BUD23: variants seen among roughly 807,000 people sequenced by gnomAD.
BUD23 encodes BUD23 rRNA methyltransferase and ribosome maturation factor, also known as 18S rRNA (guanine-N(7))-methyltransferase.
BUD23 carries 34 observed loss-of-function variants against 47.0 expected under a neutral mutation model. That is an observed-to-expected ratio of 0.72 (90% CI 0.55 to 0.96). The LOEUF is 0.96. BUD23 is among the 40% of genes least tolerant of loss of function. The pLI is 0.00. For missense variants in BUD23, 343 were observed against 361.2 expected (o/e 0.95, Z 0.41); for synonymous variants, 124 against 132.0 (o/e 0.94, Z 0.41).
intron 6 of BUD23, among the ~76,000 whole-genome samples, chr7:73,691,310 C>T (rs890527889): frequency 1.7e-4 from 26 of 152,220 alleles, no homozygotes; most frequent in East Asian, 7.7e-4. Flanking sequence ...ATGTCTATTG[C>T]GCTGAGTTTT....
At chr7:73,685,947 T>C (rs1554612916) in intron 2 of BUD23, among the ~76,000 whole-genome samples, 1 of 150,392 alleles carries the variant, frequency 6.6e-6, no homozygotes, top group Non-Finnish European at 1.5e-5. Context: ...AAAAAAAAAA[T>C]TAGCCGGGCG....
chr7:73,686,447 G>T (rs554673410), intron 2 of BUD23, among the ~76,000 whole-genome samples, 189 bp from the exon 3 acceptor site: 134 of 152,282 alleles, frequency 8.8e-4, no homozygotes, highest in Middle Eastern at 6.8e-3. Context: ...GGAATTTTTG[G>T]GGTCACTTTC....
chr7:73,684,030 G>T, intron 2 of BUD23: 1 of 1,422,396 alleles, frequency 7.0e-7, no homozygotes, highest in Non-Finnish European at 9.2e-7. Flanking sequence ...CTTTCCGTGG[G>T]TGGTTTTCAA....
intron 10 of BUD23, chr7:73,697,046 C>T (rs573383513): frequency 3.7e-5 from 9 of 246,496 alleles, no homozygotes; most frequent in Non-Finnish European, 7.2e-5. Flanking sequence ...GCTCATCAGG[C>T]TCAGGCATCC....
At chr7:73,695,433 T>C (rs1798366383) in intron 10 of BUD23, 1 of 151,766 alleles carries the variant, frequency 6.6e-6, no homozygotes, top group South Asian at 2.1e-4. Context: ...GTGTTTTTAG[T>C]AGAGACAGGG....
rs781998227 is a variant in BUD23, at chr7:73,697,711, G to C, written c.791+17G>C. 1.7e-5 allele frequency: 27 copies of C among 1,578,640 alleles called. No individual in the cohort carries two copies. Among genetic ancestry groups the C allele is most frequent in the Non-Finnish European group, 2.1e-5 (25 of 1,165,016 alleles). On this transcript the variant is annotated intron_variant, in intron 11 of 11. Coordinates refer to ENST00000265758, the MANE Select transcript of BUD23 (RefSeq NM_017528.5). Reference sequence around the variant, plus strand: ...CCAGGGCAGGTGAGTGCCAGCCTGGGAGCTGGCAGGGTGGGTGGGGGGTGG... The same window carrying C: ...CCAGGGCAGGTGAGTGCCAGCCTGGCAGCTGGCAGGGTGGGTGGGGGGTGG...
chr7:73,691,718 G>C (rs1798199231), intron 6 of BUD23, among the ~76,000 whole-genome samples: 1 of 152,000 alleles, frequency 6.6e-6, no homozygotes, highest in South Asian at 2.1e-4. Context: ...TCCTGCTTCA[G>C]CTTCTCAAGT....
Position 73,687,073 on chromosome 7 carries a change from G to A in BUD23, c.340G>A (p.Gly114Ser). 2 of 1,613,852 alleles carry A rather than the reference G, an allele frequency of 1.2e-6. No homozygotes were observed. The highest frequency in any genetic ancestry group is 2.2e-5 in the South Asian group (2 of 91,054). The change falls in exon 5 of 12, where the codon GGC becomes AGC. Residue 114 changes from glycine to serine, a missense_variant. Coordinates refer to ENST00000265758, the MANE Select transcript of BUD23 (RefSeq NM_017528.5). The stretch of plus-strand genomic sequence containing the variant: ...GGGCCAGGGCATCCCATTCAAGCCA[G>A]GCACATTTGATGGTTGCATCAGGTG... ...DMGQGIPFKP[G>S]TFDGCISISA...
intron 2 of BUD23, chr7:73,684,027 T>C: frequency 7.0e-7 from 1 of 1,424,352 alleles, no homozygotes; most frequent in Non-Finnish European, 9.2e-7. Flanking sequence ...TTGCTTTCCG[T>C]GGGTGGTTTT....
At chr7:73,689,585 A>G (rs1554613684) in intron 5 of BUD23, among the ~76,000 whole-genome samples, 1 of 151,756 alleles carries the variant, frequency 6.6e-6, no homozygotes, top group East Asian at 1.9e-4. Flanking sequence ...GGCTGGGAGG[A>G]ATTTGGATAG....
At chr7:73,689,556 G>A (rs1798108655) in intron 5 of BUD23, among the ~76,000 whole-genome samples, 1 of 152,126 alleles carries the variant, frequency 6.6e-6, no homozygotes, top group Non-Finnish European at 1.5e-5. Context: ...AGCCTTGGGT[G>A]GAGGGGCTGC....
At chr7:73,688,947 AG>A (rs1554613589) in intron 5 of BUD23, among the ~76,000 whole-genome samples, 1 of 152,108 alleles carries the variant, frequency 6.6e-6, no homozygotes, top group East Asian at 1.9e-4. Context: ...TGGTCAGATG[AG>A]GTGTTTTAAG....
chr7:73,683,632 T>C lies in BUD23; in HGVS notation c.7T>C (p.Ser3Pro), dbSNP rs782646263. 5.6e-6 allele frequency: 9 copies of C among 1,610,364 alleles called. No homozygotes were observed. The highest frequency in any genetic ancestry group is 7.6e-6 in the Non-Finnish European group (9 of 1,178,776). MA[S>P]RGRRPEHGGP... ...GTGCTGCTGAGGCGTGAGAATGGCG[T>C]CCCGCGGCCGGCGTCCGGAGCATGG... is the stretch of plus-strand genomic sequence containing the variant. The change falls in exon 1 of 12, where the codon TCC becomes CCC. Residue 3 changes from serine to proline, a missense_variant. Transcript: ENST00000265758.
chr7:73,691,666 C>T (rs12154957), intron 6 of BUD23, among the ~76,000 whole-genome samples: 5,307 of 152,162 alleles, frequency 0.035, 92 homozygotes, highest in African/African-American at 0.04. Context: ...ATGGTGTGAT[C>T]GTAGCTCACT....
intron 5 of BUD23, 134 bp from the exon 6 acceptor site, chr7:73,690,782 A>T (rs547116757): frequency 1.4e-6 from 1 of 699,970 alleles, no homozygotes; most frequent in Admixed American, 2.5e-5. Context: ...CTCAACCTGC[A>T]CTTTCTAAGA....
chr7:73,686,618 GT>G lies in BUD23; in HGVS notation c.87-17del. 6.2e-7 allele frequency: 1 copy of G among 1,612,908 alleles called. No homozygotes were observed. Among genetic ancestry groups the G allele is most frequent in the Non-Finnish European group, 8.5e-7 (1 of 1,178,992 alleles). Reference sequence around the variant, plus strand: ...CAGAACTCCTTTACCATGTCCACTTGTGTTTCTGCCTTACCAGCTCACGGAT... The same window carrying G: ...CAGAACTCCTTTACCATGTCCACTTGGTTTCTGCCTTACCAGCTCACGGAT... On this transcript the variant is annotated splice_polypyrimidine_tract_variant and intron_variant, in intron 2 of 11. Coordinates refer to ENST00000265758, the MANE Select transcript of BUD23 (RefSeq NM_017528.5).
rs559260173 is a variant in BUD23, at chr7:73,690,812, G to A, written c.363-104G>A. The A allele has an allele frequency of 4.7e-6, 4 of 842,398 alleles. No individual in the cohort carries two copies. In the South Asian group the frequency reaches 6.0e-5, roughly 13 times the overall value. The allele number at this position is 842,398 out of a possible 1,614,324, so 52.2% of individuals were successfully genotyped here. On this transcript the variant is annotated intron_variant, in intron 5 of 11. Coordinates refer to ENST00000265758, the MANE Select transcript of BUD23 (RefSeq NM_017528.5). ...CTAAGAAGGGAAGCTGTGGGAGGAG[G>A]GGTTTCTCTTGGAGAGCCAGGACGG...
rs782374060 is a variant in BUD23 at position 73,691,006 on chromosome 7, T to A, written c.453T>A (p.Ser151=). 19 of 1,614,128 alleles carry A rather than the reference T, an allele frequency of 1.2e-5. No homozygotes were observed. The East Asian group carries it at 4.2e-4, about 36-fold the overall frequency. The change falls in exon 6 of 12, where the codon TCT becomes TCA. Residue 151 remains serine (S), a synonymous_variant. Transcript: ENST00000265758. ...ACTGCTTTTTTGCTTCTCTTTTTTC[T>A]GTTCTCGTGAGTATAAGATCTTCTC... ...RLYCFFASLF[S]VLVRGSRAVL... is the part of the protein sequence containing the mutation.
At position 73,690,989 on chromosome 7, in the gene BUD23, T is replaced by C; in HGVS notation, c.436T>C (p.Phe146Leu). Residue 146 changes from phenylalanine to leucine, a missense_variant, in exon 6 of 12, where the codon TTT (phenylalanine) becomes CTT (leucine). Coordinates refer to ENST00000265758, the MANE Select transcript of BUD23 (RefSeq NM_017528.5). ...CCCTGCCAAGCGCCTGTACTGCTTT[T>C]TTGCTTCTCTTTTTTCTGTTCTCGT... ...ENPAKRLYCFFASLFSVLVRG... is the reference protein window; with the variant it reads ...ENPAKRLYCFLASLFSVLVRG... 6.2e-7 allele frequency: 1 copy of C among 1,614,196 alleles called. No individual in the cohort carries two copies. The highest frequency in any genetic ancestry group is 8.5e-7 in the Non-Finnish European group (1 of 1,180,040).
Sources: gnomAD v4.1 joint callset for allele counts (sites outside exome capture counted in the v4.1 genomes callset) on GRCh38, gnomAD v4.1.1 for gene constraint, MANE v1.5 for transcripts, NCBI Gene and HGNC (gene_info 2026-07-23, HGNC 2026-07-21) for gene names.